ELF5: variants seen among roughly 807,000 people sequenced by gnomAD.
The protein encoded by ELF5 is ETS-related transcription factor Elf-5.
ELF5 carries 31 observed loss-of-function variants against 38.2 expected under a neutral mutation model. The ratio of observed to expected loss-of-function variants is 0.81; its 90% CI spans 0.61 to 1.10. The LOEUF (loss-of-function observed/expected upper bound fraction) is 1.10. Among genes scored for constraint, ELF5 ranks in the 50% least tolerant of loss-of-function variants. The pLI is 0.00. For missense variants in ELF5, 300 were observed against 306.6 expected (o/e 0.98, Z 0.16); for synonymous variants, 121 against 112.5 (o/e 1.08, Z -0.48).
At chr11:34,482,963 C>T (rs1856975085) in intron 4 of ELF5, among the ~76,000 whole-genome samples, 1 of 152,020 alleles carries the variant, frequency 6.6e-6, no homozygotes, top group Non-Finnish European at 1.5e-5. Flanking sequence ...TGAGTCACAA[C>T]CTGAGACACC....
chr11:34,489,835 C>T (rs1850114903), intron 4 of ELF5, among the ~76,000 whole-genome samples, 174 bp downstream of exon 4: 1 of 151,976 alleles, frequency 6.6e-6, no homozygotes, highest in Non-Finnish European at 1.5e-5. Context: ...TACAGACCCA[C>T]ACCCACGCTC....
intron 2 of ELF5, among the ~76,000 whole-genome samples, chr11:34,494,885 A>G (rs965617365): frequency 6.6e-6 from 1 of 152,246 alleles, no homozygotes; most frequent in African/African-American, 2.4e-5. Context: ...CTTAATATAC[A>G]TAAAAGTACC....
intron 3 of ELF5, among the ~76,000 whole-genome samples, chr11:34,491,322 T>C (rs1850165706): frequency 6.6e-6 from 1 of 152,134 alleles, no homozygotes; most frequent in Non-Finnish European, 1.5e-5. Flanking sequence ...ACAATCCACA[T>C]ATCTGATTGA....
intron 4 of ELF5, among the ~76,000 whole-genome samples, chr11:34,482,878 CAA>C (rs1428446959): frequency 6.6e-6 from 1 of 152,056 alleles, no homozygotes; most frequent in East Asian, 1.9e-4. Flanking sequence ...CAAGTAGAAG[CAA>C]AGAGACTAGA....
intron 1 of ELF5, among the ~76,000 whole-genome samples, chr11:34,509,647 A>G (rs1361666799): frequency 6.6e-6 from 1 of 151,604 alleles, no homozygotes; most frequent in East Asian, 1.9e-4. Flanking sequence ...ATGCTGAGGG[A>G]TGGGGTGAGA....
intron 3 of ELF5, 149 bp from the exon 4 acceptor site, chr11:34,490,208 C>T (rs1850129518): frequency 1.2e-6 from 1 of 818,094 alleles, no homozygotes; most frequent in Middle Eastern, 2.5e-4. Flanking sequence ...ACCATCTGGT[C>T]TTAGAGTGTC....
chr11:34,500,976 C>G (rs944125835), intron 2 of ELF5, among the ~76,000 whole-genome samples: 9 of 114,926 alleles, frequency 7.8e-5, no homozygotes, highest in African/African-American at 2.7e-4. Context: ...CGTTATCATG[C>G]TAAATTATTT....
chr11:34,504,341 T>G (rs555017410), intron 2 of ELF5, among the ~76,000 whole-genome samples: 1 of 152,348 alleles, frequency 6.6e-6, no homozygotes, highest in South Asian at 2.1e-4. Flanking sequence ...ATCTGTTTGA[T>G]TCAAGTCCAA....
At chr11:34,484,254 T>C (rs912092386) in intron 4 of ELF5, among the ~76,000 whole-genome samples, 7 of 79,522 alleles carry the variant, frequency 8.8e-5, no homozygotes, top group Admixed American at 2.2e-4. Flanking sequence ...TACTGTAGCA[T>C]ACTATACTAA....
At chr11:34,488,601 T>C (rs749344457) in intron 4 of ELF5, among the ~76,000 whole-genome samples, 1 of 152,234 alleles carries the variant, frequency 6.6e-6, no homozygotes, top group Non-Finnish European at 1.5e-5. Flanking sequence ...CATCAGCACA[T>C]TGAATCTAAC....
intron 3 of ELF5, chr11:34,491,536 A>G (rs1483345826): frequency 6.6e-6 from 1 of 150,656 alleles, no homozygotes; most frequent in African/African-American, 2.4e-5. Context: ...TTAGCCTATT[A>G]GTTTTGCACA....
chr11:34,511,461 T>C (rs886231476), intron 1 of ELF5: 50 of 1,583,056 alleles, frequency 3.2e-5, no homozygotes, highest in African/African-American at 5.4e-5. Flanking sequence ...GCCTAGTAAG[T>C]AGGAAAAGCT....
chr11:34,489,023 C>G (rs1281938310), intron 4 of ELF5, among the ~76,000 whole-genome samples: 1 of 152,152 alleles, frequency 6.6e-6, no homozygotes, highest in Non-Finnish European at 1.5e-5. Context: ...CACCCCGGGG[C>G]CCCGAGTGAT....
rs552177192 is a variant in ELF5, at chr11:34,500,167, A to G, written c.121+5462T>C. On this transcript the variant is annotated intron_variant, in intron 2 of 6. Coordinates refer to ENST00000257832, the MANE Select transcript of ELF5 (RefSeq NM_001422.4). ...AGCAAGCTCAGGGCTTGGCTGGGAC[A>G]AGACAGACAGTCTGGGTCAGAGGAG... Among the ~76,000 whole-genome samples, 67 of 152,300 alleles carry G rather than the reference A, an allele frequency of 4.4e-4. No homozygotes were observed. In the South Asian group the frequency reaches 0.013, roughly 30 times the overall value.
At chr11:34,504,130 T>G (rs1363710566) in intron 2 of ELF5, among the ~76,000 whole-genome samples, 1 of 152,150 alleles carries the variant, frequency 6.6e-6, no homozygotes, top group African/African-American at 2.4e-5. Context: ...CCTGGCCTTA[T>G]GCATAGGTAG....
At chr11:34,503,690 G>A (rs963669138) in intron 2 of ELF5, among the ~76,000 whole-genome samples, 10 of 152,204 alleles carry the variant, frequency 6.6e-5, no homozygotes, top group African/African-American at 2.4e-4. Flanking sequence ...AGGCTCAAGT[G>A]ATAATCCTGC....
At chr11:34,493,430 G>T in intron 3 of ELF5, 49 bp downstream of exon 3, 1 of 1,557,676 alleles carries the variant, frequency 6.4e-7, no homozygotes, top group Non-Finnish European at 8.8e-7. Context: ...AAGTTGTTTG[G>T]TCCTAATCCT....
intron 2 of ELF5, among the ~76,000 whole-genome samples, chr11:34,494,133 C>G (rs1435880576): frequency 6.6e-6 from 1 of 152,190 alleles, no homozygotes; most frequent in Non-Finnish European, 1.5e-5. Context: ...ACATTGAAGT[C>G]TCAGTTTCCT....
chr11:34,482,382 G>A (rs1856961418), intron 5 of ELF5, 49 bp downstream of exon 5: 1 of 1,541,768 alleles, frequency 6.5e-7, no homozygotes, highest in South Asian at 1.1e-5. Context: ...GACTTTGTCT[G>A]AGGAATGGTT....
Sources: gnomAD v4.1 joint callset for allele counts (sites outside exome capture counted in the v4.1 genomes callset) on GRCh38, gnomAD v4.1.1 for gene constraint, MANE v1.5 for transcripts, NCBI Gene and HGNC (gene_info 2026-07-23, HGNC 2026-07-21) for gene names.